Variants in IPP observed in about 807,000 individuals in gnomAD.
IPP encodes the protein actin-binding protein IPP.
A neutral mutation model predicts 64.1 loss-of-function variants in IPP; 41 were observed. That is an observed-to-expected ratio of 0.64 (90% CI 0.50 to 0.83). The LOEUF (loss-of-function observed/expected upper bound fraction) is 0.83, where lower values mean the gene tolerates loss of function less well. IPP is among the 40% of genes least tolerant of loss of function. IPP has a pLI of 0.00. For missense variants in IPP, 649 were observed against 703.0 expected, an observed-to-expected ratio of 0.92 and a Z score of 0.87; for synonymous variants, 214 against 235.2, an observed-to-expected ratio of 0.91 and a Z score of 0.83.
chr1:45,742,345 C>G (rs1007162235), intron 2 of IPP, among the ~76,000 whole-genome samples: 1 of 151,860 alleles, frequency 6.6e-6, no homozygotes, highest in South Asian at 2.1e-4. Flanking sequence ...GGAACAAACC[C>G]GCATATGTAC....
At chr1:45,702,530 C>T (rs1025798566) in intron 8 of IPP, among the ~76,000 whole-genome samples, 1 of 152,188 alleles carries the variant, frequency 6.6e-6, no homozygotes, top group African/African-American at 2.4e-5. Flanking sequence ...TCTTGGCTCA[C>T]TGCAACCTCT....
At chr1:45,702,622 T>C (rs1025143676) in intron 8 of IPP, among the ~76,000 whole-genome samples, 1 of 152,086 alleles carries the variant, frequency 6.6e-6, no homozygotes, top group African/African-American at 2.4e-5. Context: ...TCCCAGCTAA[T>C]TTTTGTATTT....
rs187271144 is a variant in IPP at position 45,705,761 on chromosome 1, G to A, written c.1531-5571C>T. 9.6e-3 allele frequency among the ~76,000 whole-genome samples: 1,459 copies of A among 152,220 alleles called. 33 individuals are homozygous for A. Among genetic ancestry groups the A allele is most frequent in the Admixed American group, 0.049 (750 of 15,282 alleles). On this transcript the variant is annotated intron_variant, in intron 8 of 8. Transcript: ENST00000396478. ...GTGGAGGCTGCAGTGAGCCAAGACTGCCCCACTGCACTCCAGCCTGGGAGA... is the reference window on the plus strand; with the variant it reads ...GTGGAGGCTGCAGTGAGCCAAGACTACCCCACTGCACTCCAGCCTGGGAGA...
chr1:45,726,257 G>A (rs571766694), intron 5 of IPP, among the ~76,000 whole-genome samples: 8 of 151,734 alleles, frequency 5.3e-5, no homozygotes, highest in African/African-American at 1.7e-4. Context: ...TCGGGAGTTC[G>A]AGACCAGCCT....
In IPP at chr1:45,741,012, T is replaced by C. The variant is rs1646056527; in HGVS notation, c.613A>G (p.Met205Val). 1 of 1,613,930 alleles carries C rather than the reference T, an allele frequency of 6.2e-7. No homozygotes were observed. The highest frequency in any genetic ancestry group is 1.1e-5 in the South Asian group (1 of 91,082). Residue 205 changes from methionine (M) to valine (V), a missense_variant, in exon 3 of 9, where the codon ATG becomes GTG. Transcript: ENST00000396478. ...EDEYQVFLAA[M>V]QWILKDLGKR... ...CCCAAATCTTTCAGAATCCATTGCATTGCAGCTAAGAAGACCTGGTATTCA... is the reference window on the plus strand; with the variant it reads ...CCCAAATCTTTCAGAATCCATTGCACTGCAGCTAAGAAGACCTGGTATTCA...
At chr1:45,707,096 T>C (rs957822531) in intron 8 of IPP, among the ~76,000 whole-genome samples, 1 of 152,154 alleles carries the variant, frequency 6.6e-6, no homozygotes, top group African/African-American at 2.4e-5. Flanking sequence ...AGTCAACAGA[T>C]ACATATCCAA....
intron 2 of IPP, among the ~76,000 whole-genome samples, chr1:45,742,433 A>T (rs1389451194): frequency 6.6e-6 from 1 of 152,238 alleles, no homozygotes; most frequent in Non-Finnish European, 1.5e-5. Flanking sequence ...TGCTTTTAAC[A>T]TAAGGTTATA....
rs765543489 is a variant in IPP at position 45,732,689 on chromosome 1, CAG to C, written c.725-2922_725-2921del. On this transcript the variant is annotated intron_variant, in intron 3 of 8. Transcript: ENST00000396478. ...ATTTATTTATTTATTTATTTAGAGACAGAGTCTAGCTCTGTCGCCCAGGCTGG... is the reference window on the plus strand; with the variant it reads ...ATTTATTTATTTATTTATTTAGAGACAGTCTAGCTCTGTCGCCCAGGCTGG... 2.7e-4 allele frequency among the ~76,000 whole-genome samples: 41 copies of C among 152,008 alleles called. 1 individual carries two copies. In the Middle Eastern group the frequency reaches 0.034, roughly 126 times the overall value.
chr1:45,736,514 C>T (rs554871449), intron 3 of IPP, among the ~76,000 whole-genome samples: 2 of 151,986 alleles, frequency 1.3e-5, no homozygotes, highest in South Asian at 2.1e-4. Flanking sequence ...CATTTTTCTA[C>T]ACAAGTTGCT....
At position 45,746,326 on chromosome 1, in the gene IPP, T is replaced by C; in HGVS notation, c.86A>G (p.Lys29Arg). 1 of 1,614,140 alleles carries C rather than the reference T, an allele frequency of 6.2e-7. No homozygotes were observed. Among genetic ancestry groups the C allele is most frequent in the Non-Finnish European group, 8.5e-7 (1 of 1,179,992 alleles). The change falls in exon 2 of 9, where the codon AAG (lysine) becomes AGG (arginine). Residue 29 changes from lysine (K) to arginine (R), a missense_variant. Lys to Arg is a conservative substitution (Grantham distance 26). Transcript: ENST00000396478. The part of the protein sequence containing the change: ...HAQLILAQIN[K>R]MRNGQHFCDV... ...ACAGAAATGCTGTCCATTTCTCATC[T>C]TATTGATTTGGGCCAAGATGAGTTG...
At chr1:45,736,751 C>G (rs968740090) in intron 3 of IPP, among the ~76,000 whole-genome samples, 3 of 151,824 alleles carry the variant, frequency 2.0e-5, no homozygotes, top group Admixed American at 1.3e-4. Flanking sequence ...TTTTAAAAGG[C>G]TGTAGGAGGC....
chr1:45,725,171 AG>A lies in IPP; in HGVS notation c.1048+2459del, dbSNP rs1260283729. ...CCGTCCGGGAGTGGGGTGGGGGGTC[AG>A]CCCCCCGCCCGGCCAGCCGCCCCGT... On this transcript the variant is annotated intron_variant, in intron 5 of 8. Coordinates refer to ENST00000396478, the MANE Select transcript of IPP (RefSeq NM_005897.3). Among the ~76,000 whole-genome samples, 576 of 80,034 alleles carry A rather than the reference AG, an allele frequency of 7.2e-3. 68 individuals are homozygous for A. The highest frequency in any genetic ancestry group is 0.012 in the Admixed American group (89 of 7,196). The allele number at this position is 80,034 out of a possible 152,430, so 52.5% of individuals were successfully genotyped here. A position where few individuals can be genotyped will look rare whatever the true frequency, so the allele number is the denominator to read the frequency against.
Position 45,717,037 on chromosome 1 carries a change from T to C in IPP, c.1187-20A>G, listed in dbSNP as rs200217299. 2 of 1,608,256 alleles carry C rather than the reference T, an allele frequency of 1.2e-6. No individual in the cohort carries two copies. The highest frequency in any genetic ancestry group is 2.2e-5 in the South Asian group (2 of 89,754). On this transcript the variant is annotated intron_variant, in intron 6 of 8. Transcript: ENST00000396478. Reference sequence around the variant, plus strand: ...ATCCACCTGTAATGAAATAGAAAAATGTTTGTTTCCGGGATAAAAGATTCT... The same window carrying C: ...ATCCACCTGTAATGAAATAGAAAAACGTTTGTTTCCGGGATAAAAGATTCT...
In IPP at chr1:45,738,839, CAAAA is replaced by C. The variant is rs752168393; in HGVS notation, c.724+2058_724+2061del. 6.0e-3 allele frequency among the ~76,000 whole-genome samples: 46 copies of C among 7,684 alleles called. No individual in the cohort carries two copies. The East Asian group carries it at 0.082, about 14-fold the overall frequency. The allele number at this position is 7,684 out of a possible 152,430, so 5.0% of individuals were successfully genotyped here. Reference sequence around the variant, plus strand: ...TGGGTGACAGAGCAAGACTCCATCTCAAAAAAAAAAAAAAAAAAAAAAAAAACAA... The same window carrying C: ...TGGGTGACAGAGCAAGACTCCATCTCAAAAAAAAAAAAAAAAAAAAAACAA... On this transcript the variant is annotated intron_variant, in intron 3 of 8. Transcript: ENST00000396478.
At position 45,699,268 on chromosome 1, in the gene IPP, A is replaced by C; in HGVS notation, c.*698T>G. On this transcript the variant is annotated 3_prime_UTR_variant, in exon 9 of 9. Transcript: ENST00000396478. Reference sequence around the variant, plus strand: ...CCAATAAAAAGTTTGGGGCTAGTGAAAACTCTTGGCATTAAATAAAAGTAG... The same window carrying C: ...CCAATAAAAAGTTTGGGGCTAGTGACAACTCTTGGCATTAAATAAAAGTAG... The C allele has an allele frequency of 2.0e-6, 2 of 985,412 alleles. No individual in the cohort carries two copies. Among genetic ancestry groups the C allele is most frequent in the Non-Finnish European group, 2.4e-6 (2 of 829,922 alleles). The allele number at this position is 985,412 out of a possible 1,614,324, so 61.0% of individuals were successfully genotyped here.
downstream of IPP, among the ~76,000 whole-genome samples, chr1:45,695,618 G>T (rs1645380143): frequency 6.6e-6 from 1 of 151,568 alleles, no homozygotes; most frequent in African/African-American, 2.4e-5. Flanking sequence ...ATTAAAAATG[G>T]TCTAAGGATT....
At chr1:45,725,777 C>T (rs1645816487) in intron 5 of IPP, among the ~76,000 whole-genome samples, 1 of 140,274 alleles carries the variant, frequency 7.1e-6, no homozygotes, top group African/African-American at 2.6e-5. Flanking sequence ...TCCTGTTGAT[C>T]TGTGACCTTA....
chr1:45,733,843 A>G (rs76999813), intron 3 of IPP, among the ~76,000 whole-genome samples: 1 of 152,044 alleles, frequency 6.6e-6, no homozygotes, highest in Non-Finnish European at 1.5e-5. Flanking sequence ...AAAAAAAAAA[A>G]CAGTATTATG....
chr1:45,740,878 T>C (rs1312546114), intron 3 of IPP, 23 bp downstream of exon 3: 3 of 1,435,738 alleles, frequency 2.1e-6, no homozygotes, highest in Non-Finnish European at 2.8e-6. Context: ...ATCAACTAAT[T>C]CGATATATAG....
Sources: gnomAD v4.1 joint callset for allele counts (sites outside exome capture counted in the v4.1 genomes callset) on GRCh38, gnomAD v4.1.1 for gene constraint, MANE v1.5 for transcripts, NCBI Gene and HGNC (gene_info 2026-07-23, HGNC 2026-07-21) for gene names.